ATF6: variants seen among roughly 807,000 people sequenced by gnomAD.
The protein encoded by ATF6 is activating transcription factor 6.
ATF6 carries 53 observed loss-of-function variants against 83.6 expected under a neutral mutation model. The observed-to-expected ratio is 0.63, with a 90% CI of 0.51 to 0.80. The LOEUF (loss-of-function observed/expected upper bound fraction) is 0.80, where lower values mean the gene tolerates loss of function less well. Among genes scored for constraint, ATF6 ranks in the 30% least tolerant of loss-of-function variants. The pLI, the probability that ATF6 is intolerant of heterozygous loss-of-function variation, is 0.00. For synonymous variants in ATF6, 288 were observed against 285.8 expected (o/e 1.01, Z -0.08); for missense variants, 744 against 797.9 (o/e 0.93, Z 0.81).
In ATF6 at chr1:161,846,623, G is replaced by T. The variant is rs1557992583; in HGVS notation, c.1319+43G>T. 1.9e-6 allele frequency: 3 copies of T among 1,543,022 alleles called. No homozygotes were observed. The Admixed American group carries it at 5.9e-5, about 30-fold the overall frequency. ...TATCTTTTGGCCTAAGTGATTTAAT[G>T]AAGCTGAAACAAGAGAATTATCTGT... On this transcript the variant is annotated intron_variant, in intron 10 of 15. Transcript: ENST00000367942.
rs544168242 is a variant in ATF6 at position 161,945,789 on chromosome 1, A to G, written c.1805-12657A>G. Among the ~76,000 whole-genome samples, 6 of 152,334 alleles carry G rather than the reference A, an allele frequency of 3.9e-5. No individual in the cohort carries two copies. In the East Asian group the frequency reaches 5.8e-4, roughly 15 times the overall value. On this transcript the variant is annotated intron_variant, in intron 15 of 15. Transcript: ENST00000367942. Reference sequence around the variant, plus strand: ...TGCTTAAAGATAGAAGCTATGTTATATAAGCATTTCACGCATGCTGGCTCA... The same window carrying G: ...TGCTTAAAGATAGAAGCTATGTTATGTAAGCATTTCACGCATGCTGGCTCA...
intron 1 of ATF6, among the ~76,000 whole-genome samples, chr1:161,772,963 G>GTTTTTTT (rs34459711): frequency 4.1e-5 from 3 of 73,522 alleles, no homozygotes; most frequent in African/African-American, 5.6e-5. Context: ...TGAAACTCCT[G>GTTTTTTT]TTTTTTTTTT....
intron 14 of ATF6, among the ~76,000 whole-genome samples, chr1:161,878,088 A>G (rs1687252919): frequency 6.6e-6 from 1 of 152,086 alleles, no homozygotes; most frequent in Non-Finnish European, 1.5e-5. Context: ...AGCTAAGAAG[A>G]GTAATTAAGA....
chr1:161,785,414 A>G (rs886140720), intron 4 of ATF6, among the ~76,000 whole-genome samples: 5 of 152,216 alleles, frequency 3.3e-5, no homozygotes, highest in Non-Finnish European at 7.3e-5. Flanking sequence ...TAATAATTAC[A>G]AAAGGTAGCA....
At chr1:161,855,072 G>C (rs1295225057) in intron 12 of ATF6, among the ~76,000 whole-genome samples, 1 of 152,034 alleles carries the variant, frequency 6.6e-6, no homozygotes, top group Non-Finnish European at 1.5e-5. Flanking sequence ...TGAGAACTTT[G>C]GGTTTCATCA....
intron 7 of ATF6, among the ~76,000 whole-genome samples, chr1:161,807,129 G>T (rs1685303484): frequency 6.6e-6 from 1 of 152,112 alleles, no homozygotes. Context: ...GAGTGGTCCG[G>T]ACCTTGCATT....
intron 14 of ATF6, among the ~76,000 whole-genome samples, chr1:161,896,782 A>G (rs1277514643): frequency 2.0e-5 from 3 of 152,218 alleles, no homozygotes; most frequent in Non-Finnish European, 4.4e-5. Context: ...ATAAATATAT[A>G]GTTTCCAGTT....
chr1:161,943,785 C>A (rs997981189), intron 15 of ATF6, among the ~76,000 whole-genome samples: 3 of 152,220 alleles, frequency 2.0e-5, no homozygotes, highest in Non-Finnish European at 4.4e-5. Flanking sequence ...CCACTCTTTG[C>A]AAAATTCCAG....
intron 15 of ATF6, among the ~76,000 whole-genome samples, chr1:161,920,574 G>C: frequency 6.6e-6 from 1 of 151,904 alleles, no homozygotes; most frequent in East Asian, 1.9e-4. Flanking sequence ...GATTACAGGT[G>C]TGAGCCACTG....
intron 15 of ATF6, among the ~76,000 whole-genome samples, chr1:161,929,888 A>G (rs915029776): frequency 2.6e-5 from 4 of 152,238 alleles, no homozygotes; most frequent in Admixed American, 2.0e-4. Context: ...CTGTGCAGGT[A>G]CAGGCACTAT....
chr1:161,879,311 CCTA>C (rs2101856145), intron 14 of ATF6, among the ~76,000 whole-genome samples: 1 of 152,126 alleles, frequency 6.6e-6, no homozygotes, highest in East Asian at 1.9e-4. Flanking sequence ...GGATAGTGAG[CCTA>C]CTAGAGACAT....
rs535489594 is a variant in ATF6, at chr1:161,881,367, G to A, written c.1719+18055G>A. Among the ~76,000 whole-genome samples the A allele has an allele frequency of 7.9e-5, 12 of 152,200 alleles. No homozygotes were observed. The South Asian group carries it at 1.9e-3, about 24-fold the overall frequency. ...AGAATTCAGCTCCTCGTGGGATGCC[G>A]AACTAAGGGTCTCAGTTATTTGCTC... On this transcript the variant is annotated intron_variant, in intron 14 of 15. Transcript: ENST00000367942.
At chr1:161,879,301 G>C (rs1042279540) in intron 14 of ATF6, among the ~76,000 whole-genome samples, 1 of 152,088 alleles carries the variant, frequency 6.6e-6, no homozygotes, top group Middle Eastern at 3.2e-3. Context: ...TTGGCCAGTG[G>C]GATAGTGAGC....
In ATF6 at chr1:161,766,384, C is replaced by G; in HGVS notation, c.24C>G (p.Ala8=). The G allele has an allele frequency of 6.2e-7, 1 of 1,612,792 alleles. No homozygotes were observed. The highest frequency in any genetic ancestry group is 8.5e-7 in the Non-Finnish European group (1 of 1,179,382). The change falls in exon 1 of 16, where the codon GCC becomes GCG. Residue 8 remains alanine, a synonymous_variant. Transcript: ENST00000367942. Reference sequence around the variant, plus strand: ...AAATGGGGGAGCCGGCTGGGGTTGCCGGCACCATGGAGTCACCTTTTAGCC... The same window carrying G: ...AAATGGGGGAGCCGGCTGGGGTTGCGGGCACCATGGAGTCACCTTTTAGCC... MGEPAGV[A]GTMESPFSPG... is the part of the protein sequence containing the mutation.
At chr1:161,770,428 T>C (rs1217115017) in intron 1 of ATF6, among the ~76,000 whole-genome samples, 3 of 151,992 alleles carry the variant, frequency 2.0e-5, no homozygotes, top group African/African-American at 7.3e-5. Context: ...GAGGTTAGAG[T>C]TCAAGATCAA....
At chr1:161,782,561 C>G (rs1370699920) in intron 3 of ATF6, among the ~76,000 whole-genome samples, 4 of 152,114 alleles carry the variant, frequency 2.6e-5, no homozygotes, top group African/African-American at 9.7e-5. Flanking sequence ...CTAGTATCCC[C>G]TATTGACAGG....
At position 161,962,596 on chromosome 1, in the gene ATF6, C is replaced by T. The variant is rs1358337011; in HGVS notation, c.*3942C>T. 6.6e-6 allele frequency: 1 copy of T among 152,166 alleles called. No homozygotes were observed. The highest frequency in any genetic ancestry group is 1.5e-5 in the Non-Finnish European group (1 of 68,036). 9.4% of individuals were successfully genotyped at this position (152,166 alleles called of 1,614,324 possible). On this transcript the variant is annotated 3_prime_UTR_variant, in exon 16 of 16. Coordinates refer to ENST00000367942, the MANE Select transcript of ATF6 (RefSeq NM_007348.4). ...GTTTCAAAGTGACTTTCACTTTCAA[C>T]AACATATTAGAAGTAACCACTTTTG...
At chr1:161,906,070 T>A (rs752662561) in intron 14 of ATF6, among the ~76,000 whole-genome samples, 2 of 152,166 alleles carry the variant, frequency 1.3e-5, no homozygotes, top group Non-Finnish European at 2.9e-5. Flanking sequence ...CCTGACCTCA[T>A]GATCCATCTG....
chr1:161,835,940 C>T (rs1047297195), intron 9 of ATF6, among the ~76,000 whole-genome samples: 20 of 152,298 alleles, frequency 1.3e-4, no homozygotes, highest in African/African-American at 4.8e-4. Flanking sequence ...ATTGACAGTG[C>T]TTTTACCCTG....
Sources: allele counts gnomAD v4.1 joint callset (sites outside exome capture counted in the v4.1 genomes callset), GRCh38; gene constraint gnomAD v4.1.1; transcripts MANE v1.5; gene names NCBI Gene and HGNC (gene_info 2026-07-23, HGNC 2026-07-21).